Variants in ANK3 observed in about 807,000 individuals in gnomAD.
ANK3 encodes the protein ankyrin-3.
In ANK3, 57 loss-of-function variants were observed where a neutral mutation model predicts 370.9. The ratio of observed to expected loss-of-function variants is 0.15; its 90% CI spans 0.12 to 0.19. The LOEUF (loss-of-function observed/expected upper bound fraction) is 0.19. Ranked by LOEUF, ANK3 falls within the 10% of genes least tolerant of loss-of-function variation. ANK3 has a pLI of 1.00. For synonymous variants in ANK3, 1,929 were observed against 1,946.3 expected (o/e 0.99, Z 0.23); for missense variants, 4,439 against 5,302.1 (o/e 0.84, Z 5.06).
Position 60,605,028 on chromosome 10 carries a change from T to A in ANK3, c.96+10158A>T, listed in dbSNP as rs1230633572. ...CTTAAATTTTCCAGTAAACACATGATTAGAGCTTAATCTTTTAGTATATTC... is the reference window on the plus strand; with the variant it reads ...CTTAAATTTTCCAGTAAACACATGAATAGAGCTTAATCTTTTAGTATATTC... On this transcript the variant is annotated intron_variant, in intron 2 of 43. Transcript: ENST00000373827. Among the ~76,000 whole-genome samples, 3 of 152,168 alleles carry A rather than the reference T, an allele frequency of 2.0e-5. No individual in the cohort carries two copies. The East Asian group carries it at 5.8e-4, about 29-fold the overall frequency.
chr10:60,458,680 A>G (rs1382208985), intron 2 of ANK3, among the ~76,000 whole-genome samples: 1 of 152,164 alleles, frequency 6.6e-6, no homozygotes, highest in Non-Finnish European at 1.5e-5. Flanking sequence ...AGAAAACAAT[A>G]AGCTCAAGTA....
intron 8 of ANK3, among the ~76,000 whole-genome samples, chr10:60,218,346 C>T (rs201317488): frequency 1.1e-5 from 1 of 94,862 alleles, no homozygotes; most frequent in African/African-American, 2.9e-5. Flanking sequence ...GGTTATTTTG[C>T]ACATTAGTTG....
intron 1 of ANK3, among the ~76,000 whole-genome samples, chr10:60,638,266 C>T (rs2078582290): frequency 6.6e-6 from 1 of 152,108 alleles, no homozygotes; most frequent in African/African-American, 2.4e-5. Context: ...AGTGGAGAGA[C>T]TTTGTAATAC....
rs1028701808 is a variant in ANK3, at chr10:60,085,206, A to G, written c.3796T>C (p.Leu1266=). ...QWEDITGTTP[L]TFIKDCVSFT... ...GAGACACAATCTTTTATAAACGTCA[A>G]AGGAGTTGTTCCTGTGATGTCTTCC... Residue 1266 remains leucine (L), a synonymous_variant, in exon 31 of 44, where the codon TTG becomes CTG. Transcript: ENST00000280772. The G allele has an allele frequency of 1.9e-6, 3 of 1,613,448 alleles. No homozygotes were observed. The highest frequency in any genetic ancestry group is 1.7e-5 in the Admixed American group (1 of 59,886).
At chr10:60,707,362 T>C (rs1249884750) in intron 1 of ANK3, among the ~76,000 whole-genome samples, 1 of 152,170 alleles carries the variant, frequency 6.6e-6, no homozygotes, top group East Asian at 1.9e-4. Context: ...GTTAAGAGAT[T>C]GGCTACCTTG....
chr10:60,348,868 G>T (rs1242415114), intron 1 of ANK3, among the ~76,000 whole-genome samples: 1 of 152,144 alleles, frequency 6.6e-6, no homozygotes, highest in African/African-American at 2.4e-5. Flanking sequence ...CTCCATAATT[G>T]TACATTGAAT....
At chr10:60,342,229 A>T (rs2054437497) in intron 1 of ANK3, among the ~76,000 whole-genome samples, 3 of 152,172 alleles carry the variant, frequency 2.0e-5, no homozygotes, top group Non-Finnish European at 4.4e-5. Flanking sequence ...CAGTATTCCA[A>T]AAAAGTCCTT....
At chr10:60,082,555 A>G in intron 34 of ANK3, 60 bp downstream of exon 34, 2 of 1,582,438 alleles carry the variant, frequency 1.3e-6, no homozygotes, top group Non-Finnish European at 8.6e-7. Context: ...TTAATTGCAT[A>G]CCAAAGGCCC....
At chr10:60,610,637 A>T (rs2078188443) in intron 2 of ANK3, among the ~76,000 whole-genome samples, 1 of 139,156 alleles carries the variant, frequency 7.2e-6, no homozygotes, top group Non-Finnish European at 1.6e-5. Context: ...GATCACTGTC[A>T]TATTTTTAAG....
chr10:60,469,223 A>ATATATATATACCACTTTTAGTGTGTG, intron 2 of ANK3, among the ~76,000 whole-genome samples: 1 of 748 alleles, frequency 1.3e-3, no homozygotes, highest in African/African-American at 4.8e-3. Flanking sequence ...CTTTTAGTGC[A>ATATATATATACCACTTTTAGTGTGTG]TATATATATA....
intron 25 of ANK3, among the ~76,000 whole-genome samples, chr10:60,130,693 C>A (rs1423813140): frequency 6.6e-6 from 1 of 152,192 alleles, no homozygotes; most frequent in African/African-American, 2.4e-5. Context: ...GTAAATGCTT[C>A]CCATGAGTCT....
chr10:60,553,548 C>T (rs543643712), intron 2 of ANK3, among the ~76,000 whole-genome samples: 36 of 152,100 alleles, frequency 2.4e-4, no homozygotes, highest in African/African-American at 4.8e-4. Context: ...AGGTGTTATC[C>T]AGATTTTTTC....
intron 1 of ANK3, among the ~76,000 whole-genome samples, chr10:60,661,737 G>T (rs183561729): frequency 6.6e-6 from 1 of 152,144 alleles, no homozygotes; most frequent in Non-Finnish European, 1.5e-5. Context: ...TTGTTTCCAG[G>T]CGTAGCTGCA....
intron 1 of ANK3, among the ~76,000 whole-genome samples, chr10:60,351,634 T>C (rs558120013): frequency 3.5e-4 from 54 of 152,336 alleles, no homozygotes; most frequent in African/African-American, 1.1e-3. Context: ...AGTTCTATTT[T>C]GAACTTTATT....
At chr10:60,400,029 TG>T (rs2063323772) in intron 2 of ANK3, among the ~76,000 whole-genome samples, 1 of 147,678 alleles carries the variant, frequency 6.8e-6, no homozygotes, top group East Asian at 2.0e-4. Context: ...TGTGTGTGTG[TG>T]TGTGTGTGTG....
chr10:60,144,223 C>T, intron 23 of ANK3: 1 of 443,912 alleles, frequency 2.3e-6, no homozygotes, highest in Non-Finnish European at 4.5e-6. Context: ...TAATAGGTAA[C>T]CAAAACAAAA....
Position 60,569,720 on chromosome 10 carries a change from C to T in ANK3, c.96+45466G>A, listed in dbSNP as rs189240105. On this transcript the variant is annotated intron_variant, in intron 2 of 43. Transcript: ENST00000373827. ...AGACTTTATACCCAAATGCCCTAAG[C>T]ATGTGATCTGTTTTTCTGAAAACAC... 4.9e-3 allele frequency among the ~76,000 whole-genome samples: 742 copies of T among 152,278 alleles called. 5 individuals carry two copies. The highest frequency in any genetic ancestry group is 6.1e-3 in the Non-Finnish European group (417 of 68,028).
At chr10:60,187,509 A>C (rs2096375915) in intron 16 of ANK3, among the ~76,000 whole-genome samples, 1 of 152,212 alleles carries the variant, frequency 6.6e-6, no homozygotes, top group African/African-American at 2.4e-5. Context: ...TTCCAAAAGG[A>C]ATATAAATTT....
At chr10:60,065,581 G>C (rs2081478671) in intron 38 of ANK3, among the ~76,000 whole-genome samples, 1 of 152,124 alleles carries the variant, frequency 6.6e-6, no homozygotes, top group South Asian at 2.1e-4. Context: ...TTATATACAT[G>C]AATGTTCATT....
Sources: gnomAD v4.1 joint callset for allele counts (sites outside exome capture counted in the v4.1 genomes callset) on GRCh38, gnomAD v4.1.1 for gene constraint, MANE v1.5 for transcripts, NCBI Gene and HGNC (gene_info 2026-07-23, HGNC 2026-07-21) for gene names.